RLF: variants seen among roughly 807,000 people sequenced by gnomAD.
The protein encoded by RLF is zinc finger protein Rlf.
RLF carries 7 observed loss-of-function variants against 162.9 expected under a neutral mutation model. That is an observed-to-expected ratio of 0.04 (90% CI 0.02 to 0.08). RLF has a LOEUF of 0.08. Among genes scored for constraint, RLF ranks in the 10% least tolerant of loss-of-function variants. The probability of loss-of-function intolerance (pLI) is 1.00; values close to 1 mark genes in which losing one functional copy is unlikely to be tolerated. For synonymous variants in RLF, 782 were observed against 791.5 expected (o/e 0.99, Z 0.20); for missense variants, 1,664 against 2,244.7 (o/e 0.74, Z 5.23).
intron 1 of RLF, among the ~76,000 whole-genome samples, chr1:40,174,779 C>T (rs569685121): frequency 1.0e-3 from 158 of 152,268 alleles, no homozygotes; most frequent in African/African-American, 3.7e-3. Context: ...AATAAGTGCC[C>T]ATGCCAGTGG....
intron 5 of RLF, among the ~76,000 whole-genome samples, chr1:40,211,248 G>A (rs980786731): frequency 6.6e-6 from 1 of 152,158 alleles, no homozygotes; most frequent in African/African-American, 2.4e-5. Flanking sequence ...CTAACCCTCC[G>A]TGTTCTACAC....
Position 40,225,642 on chromosome 1 carries a change from C to T in RLF, c.947+2932C>T, listed in dbSNP as rs189165599. On this transcript the variant is annotated intron_variant, in intron 6 of 7. Coordinates refer to ENST00000372771, the MANE Select transcript of RLF (RefSeq NM_012421.4). ...CTGTAATCCCAGCACTTTGGGAGGC[C>T]GAGACGGGCAGATCACAAGGTCAGG... Among the ~76,000 whole-genome samples, 100 of 150,068 alleles carry T rather than the reference C, an allele frequency of 6.7e-4. 1 individual carries two copies. The East Asian group carries it at 0.016, about 25-fold the overall frequency.
chr1:40,195,667 T>C lies in RLF; in HGVS notation c.510T>C (p.Asn170=). The change falls in exon 4 of 8, where the codon AAT becomes AAC. Residue 170 remains asparagine, a synonymous_variant. Coordinates refer to ENST00000372771, the MANE Select transcript of RLF (RefSeq NM_012421.4). ...SHDALLEFGN[N]NLQILVHVTK... Reference sequence around the variant, plus strand: ...ATGCATTATTGGAATTTGGGAATAATAACCTACAAATATTGGTTCATGTTA... The same window carrying C: ...ATGCATTATTGGAATTTGGGAATAACAACCTACAAATATTGGTTCATGTTA... The C allele has an allele frequency of 6.2e-7, 1 of 1,613,014 alleles. No individual in the cohort carries two copies. The highest frequency in any genetic ancestry group is 2.2e-5 in the East Asian group (1 of 44,822).
intron 6 of RLF, among the ~76,000 whole-genome samples, chr1:40,227,517 G>C (rs113915026): frequency 2.0e-5 from 3 of 152,086 alleles, no homozygotes; most frequent in African/African-American, 7.2e-5. Context: ...ACTGGCTGTC[G>C]TGGTTTCAGG....
rs376512317 is a variant in RLF at position 40,169,753 on chromosome 1, C to T, written c.237+8117C>T. On this transcript the variant is annotated intron_variant, in intron 1 of 7. Transcript: ENST00000372771. ...TGTTGCCCAGGCTGGAGTGCAGTGACGTGATCTCGGCTCACTGCAACCTCC... is the reference window on the plus strand; with the variant it reads ...TGTTGCCCAGGCTGGAGTGCAGTGATGTGATCTCGGCTCACTGCAACCTCC... Among the ~76,000 whole-genome samples the T allele has an allele frequency of 9.7e-5, 14 of 144,182 alleles. 1 individual carries two copies. The highest frequency in any genetic ancestry group is 4.2e-4 in the East Asian group (2 of 4,742). The allele number at this position is 144,182 out of a possible 152,430, so 94.6% of individuals were successfully genotyped here.
chr1:40,190,016 A>G (rs1334299318), intron 2 of RLF, among the ~76,000 whole-genome samples: 2 of 151,990 alleles, frequency 1.3e-5, no homozygotes, highest in Non-Finnish European at 2.9e-5. Flanking sequence ...TTCTAGCCTC[A>G]CCTGTTTTCC....
chr1:40,185,224 G>A (rs951142497), intron 1 of RLF, among the ~76,000 whole-genome samples: 6 of 151,698 alleles, frequency 4.0e-5, no homozygotes, highest in African/African-American at 9.7e-5. Context: ...AACTCTAGCC[G>A]GGTTCAAGCA....
At chr1:40,199,013 G>T (rs979703458) in intron 4 of RLF, among the ~76,000 whole-genome samples, 2 of 152,170 alleles carry the variant, frequency 1.3e-5, no homozygotes, top group Non-Finnish European at 2.9e-5. Context: ...ATAGCTTACC[G>T]CATAGAAATA....
At chr1:40,210,521 T>G (rs1642852356) in intron 5 of RLF, among the ~76,000 whole-genome samples, 1 of 151,984 alleles carries the variant, frequency 6.6e-6, no homozygotes, top group African/African-American at 2.4e-5. Flanking sequence ...CCTGTTGGGG[T>G]TGGAAAAGAA....
intron 5 of RLF, among the ~76,000 whole-genome samples, chr1:40,210,741 A>G (rs939559610): frequency 1.3e-5 from 2 of 152,200 alleles, no homozygotes; most frequent in Non-Finnish European, 2.9e-5. Flanking sequence ...GGATGTACAG[A>G]GATACCTTCA....
At chr1:40,217,453 G>A (rs1183679982) in intron 5 of RLF, among the ~76,000 whole-genome samples, 2 of 151,370 alleles carry the variant, frequency 1.3e-5, no homozygotes, top group African/African-American at 2.4e-5. Context: ...CCTGGGCCAC[G>A]GAGCAAGACC....
rs190307197 is a variant in RLF at position 40,206,812 on chromosome 1, G to A, written c.810+4198G>A. On this transcript the variant is annotated intron_variant, in intron 5 of 7. Transcript: ENST00000372771. ...CTTTGTGCTTGCTATTCCCTCTGACGAGAATTGCCTTCCACAAGATAATTT... is the reference window on the plus strand; with the variant it reads ...CTTTGTGCTTGCTATTCCCTCTGACAAGAATTGCCTTCCACAAGATAATTT... Among the ~76,000 whole-genome samples, 7 of 152,198 alleles carry A rather than the reference G, an allele frequency of 4.6e-5. No homozygotes were observed. The East Asian group carries it at 5.8e-4, about 13-fold the overall frequency.
rs376320326 is a variant in RLF at position 40,224,283 on chromosome 1, A to C, written c.947+1573A>C. Among the ~76,000 whole-genome samples, 12 of 151,590 alleles carry C rather than the reference A, an allele frequency of 7.9e-5. 1 individual carries two copies. Among genetic ancestry groups the C allele is most frequent in the East Asian group, 3.9e-4 (2 of 5,152 alleles). The stretch of plus-strand genomic sequence containing the variant: ...ACTTTGTTAAAAGGAGCTTCTTTCA[A>C]GCAATTCAAGGAGCAATTGCATCTT... On this transcript the variant is annotated intron_variant, in intron 6 of 7. Transcript: ENST00000372771.
Position 40,240,375 on chromosome 1 carries a change from T to C in RLF, c.5673T>C (p.Ser1891=). The change falls in exon 8 of 8, where the codon TCT becomes TCC. Residue 1891 remains serine, a synonymous_variant. Transcript: ENST00000372771. Reference sequence around the variant, plus strand: ...GGCCAGTGGTGGTTCTTGAAAGATCTAAGTTTTCCACACCAATTTTAGACT... The same window carrying C: ...GGCCAGTGGTGGTTCTTGAAAGATCCAAGTTTTCCACACCAATTTTAGACT... ...YLRPVVVLER[S]KFSTPILDLF... The C allele has an allele frequency of 6.2e-7, 1 of 1,614,162 alleles. No individual in the cohort carries two copies. The highest frequency in any genetic ancestry group is 1.3e-5 in the African/African-American group (1 of 75,044).
intron 6 of RLF, among the ~76,000 whole-genome samples, chr1:40,229,153 G>A (rs1341831186): frequency 6.6e-6 from 1 of 152,174 alleles, no homozygotes; most frequent in African/African-American, 2.4e-5. Context: ...TACTGGCTTT[G>A]ATAATTTTTG....
Position 40,237,708 on chromosome 1 carries a change from T to C in RLF, c.3006T>C (p.Asn1002=), listed in dbSNP as rs1368023463. ...TTCCCTCTTTGGGTAATGAACATAA[T>C]CAGACAACTGAAAAGTTGGATGCAG... is the stretch of plus-strand genomic sequence containing the variant. ...DLFPSLGNEH[N]QTTEKLDAEP... The change falls in exon 8 of 8, where the codon AAT becomes AAC. Residue 1002 remains asparagine (N), a synonymous_variant. Coordinates refer to ENST00000372771, the MANE Select transcript of RLF (RefSeq NM_012421.4). This position sits in a 1 kb window ranked among gnomAD's most constrained non-coding sequence, Gnocchi z 4.4. 4 of 1,614,048 alleles carry C rather than the reference T, an allele frequency of 2.5e-6. No homozygotes were observed. The highest frequency in any genetic ancestry group is 1.7e-5 in the Admixed American group (1 of 60,006).
chr1:40,235,984 A>G lies in RLF; in HGVS notation c.1282A>G (p.Met428Val). Residue 428 changes from methionine to valine, a missense_variant, in exon 8 of 8, where the codon ATG becomes GTG. Physicochemically the swap from Met to Val is conservative, Grantham distance 21. Coordinates refer to ENST00000372771, the MANE Select transcript of RLF (RefSeq NM_012421.4). ...LIEPSLDGFN[M>V]LEELYLQPDQ... ...TGAACCCAGTTTGGATGGATTTAATATGTTAGAAGAACTATATTTGCAACC... is the reference window on the plus strand; with the variant it reads ...TGAACCCAGTTTGGATGGATTTAATGTGTTAGAAGAACTATATTTGCAACC... The G allele has an allele frequency of 1.9e-6, 3 of 1,613,282 alleles. No homozygotes were observed. Among genetic ancestry groups the G allele is most frequent in the South Asian group, 2.2e-5 (2 of 90,798 alleles).
intron 4 of RLF, among the ~76,000 whole-genome samples, chr1:40,200,579 A>G (rs1642698222): frequency 6.6e-6 from 1 of 152,116 alleles, no homozygotes. Context: ...TGTATCATAT[A>G]TTAAGTGGCA....
At chr1:40,228,179 A>G (rs1194694781) in intron 6 of RLF, among the ~76,000 whole-genome samples, 14 of 147,106 alleles carry the variant, frequency 9.5e-5, no homozygotes, top group African/African-American at 3.1e-4. Flanking sequence ...CCAGCTACTC[A>G]GGAGGCTGAG....
Sources: gnomAD v4.1 joint callset for allele counts (sites outside exome capture counted in the v4.1 genomes callset) on GRCh38, gnomAD v4.1.1 for gene constraint, Gnocchi (gnomAD v3.1) non-coding constraint, MANE v1.5 for transcripts, NCBI Gene and HGNC (gene_info 2026-07-23, HGNC 2026-07-21) for gene names.